The following DSCAM variants were observed in gnomAD, a reference collection of about 807,000 sequenced individuals.
DSCAM encodes DS cell adhesion molecule, also known as cell adhesion molecule DSCAM.
DSCAM carries 47 observed loss-of-function variants against 217.7 expected under a neutral mutation model. That is an observed-to-expected ratio of 0.22 (90% CI 0.17 to 0.28). The LOEUF (loss-of-function observed/expected upper bound fraction) is 0.28. Ranked by LOEUF, DSCAM falls within the 10% of genes least tolerant of loss-of-function variation. The pLI is 1.00. For missense variants in DSCAM, 2,080 were observed against 2,618.3 expected, an observed-to-expected ratio of 0.79 and a Z score of 4.49; for synonymous variants, 1,056 against 1,015.3, an observed-to-expected ratio of 1.04 and a Z score of -0.76.
chr21:40,765,280 C>T (rs920608874), intron 1 of DSCAM, among the ~76,000 whole-genome samples: 1 of 152,288 alleles, frequency 6.6e-6, no homozygotes, highest in East Asian at 1.9e-4. Flanking sequence ...ATTCCTTGCG[C>T]AGAGCAACTT....
intron 3 of DSCAM, among the ~76,000 whole-genome samples, chr21:40,490,769 T>G (rs971384651): frequency 5.3e-5 from 8 of 152,246 alleles, no homozygotes; most frequent in Admixed American, 5.2e-4. Flanking sequence ...TTCTGTCTCA[T>G]GGACATGAAA....
chr21:40,723,994 C>T (rs1352767742), intron 1 of DSCAM, among the ~76,000 whole-genome samples: 1 of 152,132 alleles, frequency 6.6e-6, no homozygotes, highest in Admixed American at 6.5e-5. Context: ...TGTTTGCAAT[C>T]CATTTCTAGA....
intron 1 of DSCAM, among the ~76,000 whole-genome samples, chr21:40,843,634 G>A (rs1035311417): frequency 1.3e-5 from 2 of 151,998 alleles, no homozygotes; most frequent in East Asian, 1.9e-4. Context: ...CTGCACATAC[G>A]TGTACCTTGG....
At chr21:40,196,928 A>G (rs1460711076) in intron 11 of DSCAM, among the ~76,000 whole-genome samples, 1 of 152,224 alleles carries the variant, frequency 6.6e-6, no homozygotes, top group Non-Finnish European at 1.5e-5. Flanking sequence ...TGAGACACAT[A>G]GACAAAACAT....
At chr21:40,784,158 C>T (rs1468762493) in intron 1 of DSCAM, among the ~76,000 whole-genome samples, 2 of 151,680 alleles carry the variant, frequency 1.3e-5, no homozygotes, top group African/African-American at 4.8e-5. Context: ...TGCTCTGTGT[C>T]CCCACCCAAA....
intron 20 of DSCAM, among the ~76,000 whole-genome samples, chr21:40,100,674 C>T (rs182689780): frequency 1.5e-4 from 23 of 148,608 alleles, no homozygotes; most frequent in Admixed American, 6.0e-4. Context: ...AGCAAAGCTT[C>T]GCTATCAAGG....
chr21:40,271,889 C>T (rs570591180), intron 11 of DSCAM, among the ~76,000 whole-genome samples: 40 of 152,230 alleles, frequency 2.6e-4, no homozygotes, highest in African/African-American at 9.4e-4. Context: ...TTCCTCTGCC[C>T]CTTTTGTTTA....
chr21:40,827,787 A>C (rs1450511700), intron 1 of DSCAM, among the ~76,000 whole-genome samples: 1 of 152,200 alleles, frequency 6.6e-6, no homozygotes, highest in East Asian at 1.9e-4. Flanking sequence ...AACTTTGTGT[A>C]TCGTTCAACT....
At chr21:40,280,768 CT>C (rs2073750420) in intron 10 of DSCAM, among the ~76,000 whole-genome samples, 1 of 152,164 alleles carries the variant, frequency 6.6e-6, no homozygotes, top group Admixed American at 6.5e-5. Context: ...GTGACAAATA[CT>C]GGGTGAGGAG....
intron 4 of DSCAM, among the ~76,000 whole-genome samples, chr21:40,359,287 G>C (rs1240113856): frequency 1.3e-5 from 2 of 152,182 alleles, no homozygotes; most frequent in Admixed American, 6.5e-5. Context: ...TGCCCCCTCA[G>C]TGAAGTCACT....
chr21:40,123,873 G>T (rs1048688858), intron 20 of DSCAM, among the ~76,000 whole-genome samples: 36 of 152,056 alleles, frequency 2.4e-4, no homozygotes. Context: ...AAAATCAATA[G>T]GTGTTGTCCA....
At chr21:40,325,251 T>A (rs1242425567) in intron 8 of DSCAM, among the ~76,000 whole-genome samples, 1 of 152,138 alleles carries the variant, frequency 6.6e-6, no homozygotes, top group Non-Finnish European at 1.5e-5. Flanking sequence ...GACAGCACCA[T>A]CATGGTATCT....
intron 3 of DSCAM, among the ~76,000 whole-genome samples, chr21:40,579,794 G>A (rs1319821985): frequency 1.3e-5 from 2 of 151,516 alleles, no homozygotes; most frequent in Non-Finnish European, 2.9e-5. Flanking sequence ...TCAGATATAA[G>A]AATAAAAGAA....
rs2074424874 is a variant in DSCAM at position 40,335,859 on chromosome 21, G to A, written c.1783+2242C>T. Among the ~76,000 whole-genome samples, 4 of 152,106 alleles carry A rather than the reference G, an allele frequency of 2.6e-5. No individual in the cohort carries two copies. The South Asian group carries it at 8.3e-4, about 32-fold the overall frequency. ...TGCCTTTCTCATGGTGTTGACATTT[G>A]CACTGTTGGAGCAAAAGCCATGGTG... On this transcript the variant is annotated intron_variant, in intron 8 of 32. Coordinates refer to ENST00000400454, the MANE Select transcript of DSCAM (RefSeq NM_001389.5).
chr21:40,583,705 G>C (rs1345503213), intron 3 of DSCAM, among the ~76,000 whole-genome samples: 1 of 152,120 alleles, frequency 6.6e-6, no homozygotes, highest in East Asian at 1.9e-4. Flanking sequence ...CACCCAGAGT[G>C]AACCTTAATA....
intron 8 of DSCAM, among the ~76,000 whole-genome samples, chr21:40,327,890 T>C (rs1309181926): frequency 6.6e-6 from 1 of 152,040 alleles, no homozygotes; most frequent in African/African-American, 2.4e-5. Context: ...AACAATCTCA[T>C]TTACAATAGC....
chr21:40,555,143 C>T (rs2039985494), intron 3 of DSCAM, among the ~76,000 whole-genome samples: 1 of 152,206 alleles, frequency 6.6e-6, no homozygotes, highest in African/African-American at 2.4e-5. Context: ...CCTATCCTCA[C>T]TTTCCAGAAA....
intron 11 of DSCAM, among the ~76,000 whole-genome samples, chr21:40,266,651 A>ATC (rs2073535117): frequency 2.4e-5 from 3 of 123,910 alleles, no homozygotes; most frequent in African/African-American, 9.7e-5. Flanking sequence ...ATATATATAT[A>ATC]TATATATATA....
intron 3 of DSCAM, among the ~76,000 whole-genome samples, chr21:40,522,111 G>A (rs534008022): frequency 3.3e-5 from 5 of 152,240 alleles, no homozygotes; most frequent in South Asian, 2.1e-4. Context: ...CTCTGCTATA[G>A]AACAAAGCTA....
Sources: gnomAD v4.1 joint callset for allele counts (sites outside exome capture counted in the v4.1 genomes callset) on GRCh38, gnomAD v4.1.1 for gene constraint, MANE v1.5 for transcripts, NCBI Gene and HGNC (gene_info 2026-07-23, HGNC 2026-07-21) for gene names.